PARD3B: variants seen among roughly 807,000 people sequenced by gnomAD.
PARD3B encodes the protein partitioning defective 3 homolog B.
PARD3B carries 103 observed loss-of-function variants against 130.2 expected under a neutral mutation model. That is an observed-to-expected ratio of 0.79 (90% confidence interval 0.67 to 0.93). PARD3B has a LOEUF of 0.93. Among genes scored for constraint, PARD3B ranks in the 40% least tolerant of loss-of-function variants. The probability of loss-of-function intolerance (pLI) is 0.00; values close to 1 mark genes in which losing one functional copy is unlikely to be tolerated. For missense variants in PARD3B, 1,609 were observed against 1,499.2 expected (o/e 1.07, Z -1.21); for synonymous variants, 583 against 553.2 (o/e 1.05, Z -0.76).
intron 19 of PARD3B, among the ~76,000 whole-genome samples, chr2:205,436,490 T>C (rs55663931): frequency 0.019 from 2,910 of 152,310 alleles, 52 homozygotes; most frequent in Non-Finnish European, 0.028. Flanking sequence ...ACAGCACTTA[T>C]GCTTACTATA....
chr2:205,226,516 G>T (rs941222328), intron 15 of PARD3B, among the ~76,000 whole-genome samples: 1 of 152,104 alleles, frequency 6.6e-6, no homozygotes, highest in Admixed American at 6.5e-5. Context: ...TTTAATCCAT[G>T]TAGATTTGAT....
chr2:205,025,117 T>C (rs1466250277), intron 3 of PARD3B, among the ~76,000 whole-genome samples: 2 of 152,306 alleles, frequency 1.3e-5, no homozygotes, highest in African/African-American at 2.4e-5. Context: ...CAGTGGAATA[T>C]TGAGCTTCCC....
chr2:204,918,499 G>A (rs1575302801), intron 2 of PARD3B, among the ~76,000 whole-genome samples: 2 of 150,922 alleles, frequency 1.3e-5, no homozygotes, highest in African/African-American at 2.4e-5. Context: ...GCGTAGTGGC[G>A]GGCGCCTGTA....
chr2:204,746,699 T>A (rs926465675), intron 2 of PARD3B, among the ~76,000 whole-genome samples: 12 of 152,276 alleles, frequency 7.9e-5, no homozygotes, highest in Non-Finnish European at 8.8e-5. Context: ...GGTATCTCAT[T>A]GTGGTTTTGA....
At chr2:205,384,119 G>GT (rs1415134644) in intron 18 of PARD3B, among the ~76,000 whole-genome samples, 4 of 151,936 alleles carry the variant, frequency 2.6e-5, no homozygotes, top group Non-Finnish European at 5.9e-5. Flanking sequence ...TTCCAAGGAG[G>GT]GTTACAGCCA....
intron 18 of PARD3B, among the ~76,000 whole-genome samples, chr2:205,383,109 T>TAGATAGATAGATAGATAGATAGATAGAG (rs1553500320): frequency 0.02 from 2,867 of 144,784 alleles, 70 homozygotes; most frequent in South Asian, 0.037. Flanking sequence ...GATAGATAGA[T>TAGATAGATAGATAGATAGATAGATAGAG]AGATAGATAG....
At position 205,301,982 on chromosome 2, in the gene PARD3B, C is replaced by T. The variant is rs780690168; in HGVS notation, c.2630+281C>T. ...CCTGTAATCTCAGTACTTTGGGAGG[C>T]TGGGAGGATTGCTTGAGCCCAAGAG... On this transcript the variant is annotated intron_variant, in intron 18 of 22. Coordinates refer to ENST00000406610, the MANE Select transcript of PARD3B (RefSeq NM_001302769.2). This position sits in a 1 kb window ranked among gnomAD's most constrained non-coding sequence, Gnocchi z 5.2. The T allele has an allele frequency of 1.3e-4, 91 of 675,398 alleles. No individual in the cohort carries two copies. The highest frequency in any genetic ancestry group is 2.2e-4 in the Non-Finnish European group (83 of 370,166). The allele number at this position is 675,398 out of a possible 1,614,324, so 41.8% of individuals were successfully genotyped here.
At chr2:205,143,426 T>C (rs2033128887) in intron 10 of PARD3B, among the ~76,000 whole-genome samples, 1 of 152,150 alleles carries the variant, frequency 6.6e-6, no homozygotes, top group African/African-American at 2.4e-5. Flanking sequence ...TGTTGGAAAA[T>C]TAAGATCCAT....
intron 20 of PARD3B, among the ~76,000 whole-genome samples, chr2:205,491,862 G>A (rs1246908000): frequency 6.6e-6 from 1 of 152,190 alleles, no homozygotes; most frequent in Non-Finnish European, 1.5e-5. Flanking sequence ...AAGCCAAGTT[G>A]TCAGATTGTT....
intron 21 of PARD3B, among the ~76,000 whole-genome samples, chr2:205,535,872 G>T (rs1483546571): frequency 6.6e-6 from 1 of 152,126 alleles, no homozygotes; most frequent in Non-Finnish European, 1.5e-5. Flanking sequence ...TTTCTTAGGG[G>T]CTTTACTAGT....
chr2:205,083,719 T>C (rs1272219435), intron 4 of PARD3B, among the ~76,000 whole-genome samples: 1 of 152,082 alleles, frequency 6.6e-6, no homozygotes, highest in Non-Finnish European at 1.5e-5. Context: ...TGTCTTCTTT[T>C]CATTTCTTTA....
At chr2:205,609,213 C>T (rs565558604) in intron 22 of PARD3B, among the ~76,000 whole-genome samples, 1 of 152,310 alleles carries the variant, frequency 6.6e-6, no homozygotes, top group African/African-American at 2.4e-5. Context: ...GGAAACCTGA[C>T]ACTAAAGGAA....
At position 205,568,899 on chromosome 2, in the gene PARD3B, G is replaced by A. The variant is rs1191827847; in HGVS notation, c.3260+15496G>A. Among the ~76,000 whole-genome samples the A allele has an allele frequency of 6.6e-6, 1 of 152,118 alleles. No homozygotes were observed. The highest frequency in any genetic ancestry group is 1.5e-5 in the Non-Finnish European group (1 of 68,032). ...CACCTTCTTAGAACAAAAAGTATGT[G>A]TCATAAGTCAAACAGGCTACAGGAT... On this transcript the variant is annotated intron_variant, in intron 22 of 22. Transcript: ENST00000406610. This position sits in a 1 kb window ranked among gnomAD's most constrained non-coding sequence, Gnocchi z 5.3.
In PARD3B at chr2:204,953,168, A is replaced by T. The variant is rs1216542638; in HGVS notation, c.223-11984A>T. 3.9e-5 allele frequency among the ~76,000 whole-genome samples: 6 copies of T among 151,982 alleles called. No individual in the cohort carries two copies. In the South Asian group the frequency reaches 6.2e-4, roughly 16 times the overall value. ...GCAAAATTAGTAATTATTAGAAATAACACTTAGCATTGGGACTATGCAGAG... is the reference window on the plus strand; with the variant it reads ...GCAAAATTAGTAATTATTAGAAATATCACTTAGCATTGGGACTATGCAGAG... On this transcript the variant is annotated intron_variant, in intron 2 of 22. Transcript: ENST00000406610.
At chr2:204,868,144 C>T (rs2125642096) in intron 2 of PARD3B, among the ~76,000 whole-genome samples, 2 of 152,284 alleles carry the variant, frequency 1.3e-5, no homozygotes, top group East Asian at 3.9e-4. Flanking sequence ...ATACAGGTCT[C>T]TACAAAGTAA....
At chr2:205,319,482 C>T (rs1390888268) in intron 18 of PARD3B, among the ~76,000 whole-genome samples, 1 of 152,184 alleles carries the variant, frequency 6.6e-6, no homozygotes, top group African/African-American at 2.4e-5. Context: ...AAGTATTTAT[C>T]TGTCATTTGC....
intron 1 of PARD3B, among the ~76,000 whole-genome samples, chr2:204,559,723 A>G (rs2031181630): frequency 6.6e-6 from 1 of 152,230 alleles, no homozygotes; most frequent in African/African-American, 2.4e-5. Context: ...ATGCTGCTAT[A>G]AAGACACATG....
chr2:204,903,927 A>G lies in PARD3B; in HGVS notation c.223-61225A>G, dbSNP rs564296392. ...TTCATTATGCTGTCAATGTATAATT[A>G]TCTGTCGGTCTACTATTTGTAATTT... On this transcript the variant is annotated intron_variant, in intron 2 of 22. Transcript: ENST00000406610. Among the ~76,000 whole-genome samples the G allele has an allele frequency of 5.3e-5, 8 of 152,270 alleles. No homozygotes were observed. In the East Asian group the frequency reaches 1.5e-3, roughly 29 times the overall value.
At chr2:204,720,797 G>A (rs1183422993) in intron 2 of PARD3B, among the ~76,000 whole-genome samples, 2 of 152,106 alleles carry the variant, frequency 1.3e-5, no homozygotes, top group African/African-American at 4.8e-5. Context: ...CAACAAGATG[G>A]AATGTTTATT....
Sources: allele counts gnomAD v4.1 joint callset (sites outside exome capture counted in the v4.1 genomes callset), GRCh38; gene constraint gnomAD v4.1.1; non-coding constraint Gnocchi (gnomAD v3.1); transcripts MANE v1.5; gene names NCBI Gene and HGNC (gene_info 2026-07-23, HGNC 2026-07-21).